Variants in ARAP2 observed in about 807,000 individuals in gnomAD.
ARAP2 encodes the protein arf-GAP with Rho-GAP domain, ANK repeat and PH domain-containing protein 2.
ARAP2 carries 148 observed loss-of-function variants against 194.5 expected under a neutral mutation model. That is an observed-to-expected ratio of 0.76 (90% CI 0.67 to 0.87). The LOEUF is 0.87. Among genes scored for constraint, ARAP2 ranks in the 40% least tolerant of loss-of-function variants. ARAP2 has a pLI of 0.00. For missense variants in ARAP2, 2,128 were observed against 1,989.7 expected, an observed-to-expected ratio of 1.07 and a Z score of -1.32; for synonymous variants, 695 against 683.5, an observed-to-expected ratio of 1.02 and a Z score of -0.26.
chr4:36,150,958 T>G lies in ARAP2; in HGVS notation c.2839A>C (p.Asn947His), dbSNP rs140030262. The G allele has an allele frequency of 2.2e-5, 36 of 1,613,280 alleles. No individual in the cohort carries two copies. The African/African-American group carries it at 4.5e-4, about 20-fold the overall frequency. The change falls in exon 16 of 33, where the codon AAT becomes CAT. Residue 947 changes from asparagine to histidine, a missense_variant. Coordinates refer to ENST00000303965, the MANE Select transcript of ARAP2 (RefSeq NM_015230.4). ...GCCAGGCAGATAACTTCATTGATAT[T>G]AATGGTGCCATTAGGTGTGGTAGAC... Reference protein sequence around the residue: ...DKSTTPNGTININEVICLAIH... With the variant: ...DKSTTPNGTIHINEVICLAIH...
intron 27 of ARAP2, among the ~76,000 whole-genome samples, chr4:36,096,038 T>C (rs998591712): frequency 1.3e-5 from 2 of 152,072 alleles, no homozygotes; most frequent in Non-Finnish European, 2.9e-5. Context: ...ATGCATCATT[T>C]CTAAAATTTA....
intron 2 of ARAP2, among the ~76,000 whole-genome samples, chr4:36,217,595 G>C (rs1748223395): frequency 6.6e-6 from 1 of 150,814 alleles, no homozygotes; most frequent in Non-Finnish European, 1.5e-5. Flanking sequence ...TTACTAATAG[G>C]GTTGACATAT....
chr4:36,086,459 A>C (rs1238565381), intron 28 of ARAP2, among the ~76,000 whole-genome samples: 1 of 152,138 alleles, frequency 6.6e-6, no homozygotes, highest in African/African-American at 2.4e-5. Context: ...TTGTAGAAAC[A>C]CATTCTTTTC....
At chr4:36,039,251 C>T (rs910345673) in intron 5 of ARAP2, among the ~76,000 whole-genome samples, 2 of 152,078 alleles carry the variant, frequency 1.3e-5, no homozygotes, top group Non-Finnish European at 2.9e-5. Context: ...CAAACAAAGG[C>T]AAAAAATAAA....
intron 26 of ARAP2, among the ~76,000 whole-genome samples, chr4:36,112,640 A>G (rs1446303814): frequency 6.6e-6 from 1 of 151,876 alleles, no homozygotes; most frequent in East Asian, 1.9e-4. Flanking sequence ...TCACTTATTC[A>G]ATAGATTTTA....
At chr4:36,174,596 C>T (rs1223116776) in intron 9 of ARAP2, among the ~76,000 whole-genome samples, 1 of 152,152 alleles carries the variant, frequency 6.6e-6, no homozygotes, top group Non-Finnish European at 1.5e-5. Context: ...ATCACAGAAT[C>T]ACCTGGGGTG....
intron 5 of ARAP2, among the ~76,000 whole-genome samples, chr4:36,043,848 G>GAAGGGAAGGCAAGGGAACGGAAGGGA (rs1560311705): frequency 1.9e-5 from 1 of 52,606 alleles, no homozygotes; most frequent in Admixed American, 2.4e-4. Context: ...GGGGAGGGGG[G>GAAGGGAAGGCAAGGGAACGGAAGGGA]AGGGGAGGGG....
chr4:36,176,229 T>C (rs1056882448), intron 9 of ARAP2, among the ~76,000 whole-genome samples: 3 of 31,244 alleles, frequency 9.6e-5, no homozygotes, highest in African/African-American at 2.3e-4. Flanking sequence ...ATTTTCCTCA[T>C]CTACAAAACA....
intron 5 of ARAP2, among the ~76,000 whole-genome samples, chr4:36,021,267 G>T (rs1397570569): frequency 4.6e-5 from 7 of 152,182 alleles, no homozygotes; most frequent in Non-Finnish European, 4.4e-5. Flanking sequence ...AGAGTGTTAA[G>T]TGTACTAAAA....
chr4:36,053,110 C>T (rs1407686760), intron 2 of ARAP2, among the ~76,000 whole-genome samples: 2 of 151,842 alleles, frequency 1.3e-5, no homozygotes, highest in African/African-American at 4.8e-5. Context: ...CGGGTTCAAG[C>T]GATTCTCTGC....
chr4:36,055,390 A>AT (rs1417722430), intron 2 of ARAP2, among the ~76,000 whole-genome samples: 6 of 152,226 alleles, frequency 3.9e-5, no homozygotes, highest in Admixed American at 3.9e-4. Context: ...AATCATCCTC[A>AT]TAAGAACCAT....
intron 19 of ARAP2, among the ~76,000 whole-genome samples, chr4:36,133,804 C>G (rs956964674): frequency 6.6e-6 from 1 of 151,780 alleles, no homozygotes; most frequent in Non-Finnish European, 1.5e-5. Context: ...TTCCTCCTAT[C>G]ATTCTGGTCA....
intron 1 of ARAP2, chr4:36,243,885 T>C (rs1025192428): frequency 6.6e-6 from 1 of 152,296 alleles, no homozygotes; most frequent in Non-Finnish European, 1.5e-5. Context: ...AGCTTCTTCT[T>C]ATTTAAAGGT....
intron 32 of ARAP2, among the ~76,000 whole-genome samples, chr4:36,070,353 T>C (rs1726548620): frequency 6.6e-6 from 1 of 152,188 alleles, no homozygotes; most frequent in Non-Finnish European, 1.5e-5. Flanking sequence ...CACTGTACTG[T>C]CCTTAAAAGA....
chr4:36,146,642 T>A (rs13119024), intron 19 of ARAP2, among the ~76,000 whole-genome samples: 1 of 152,094 alleles, frequency 6.6e-6, no homozygotes, highest in Non-Finnish European at 1.5e-5. Flanking sequence ...TCATTCAAGA[T>A]CTCTTTTCTT....
Position 36,066,124 on chromosome 4 carries a change from G to C in ARAP2, c.*1783C>G, listed in dbSNP as rs1247115337. 6.6e-6 allele frequency: 1 copy of C among 152,150 alleles called. No individual in the cohort carries two copies. Among genetic ancestry groups the C allele is most frequent in the Non-Finnish European group, 1.5e-5 (1 of 68,036 alleles). 9.4% of individuals were successfully genotyped at this position (152,150 alleles called of 1,614,324 possible). Reference sequence around the variant, plus strand: ...AGAATAGAAAGGGAAACAGCTATTAGAGTTTAAGCTCAAGTTTCAAGAAGA... The same window carrying C: ...AGAATAGAAAGGGAAACAGCTATTACAGTTTAAGCTCAAGTTTCAAGAAGA... On this transcript the variant is annotated 3_prime_UTR_variant, in exon 33 of 33. Transcript: ENST00000303965.
intron 20 of ARAP2, among the ~76,000 whole-genome samples, chr4:36,131,515 C>T (rs925018269): frequency 1.3e-5 from 2 of 151,224 alleles, no homozygotes; most frequent in Non-Finnish European, 3.0e-5. Flanking sequence ...CTTTATTATT[C>T]TAACATGCAA....
At chr4:36,110,719 T>C (rs776399523) in intron 26 of ARAP2, among the ~76,000 whole-genome samples, 2 of 152,014 alleles carry the variant, frequency 1.3e-5, no homozygotes, top group Non-Finnish European at 2.9e-5. Flanking sequence ...GACTACCATA[T>C]AAAGAAGAAA....
chr4:36,052,716 G>GC (rs1158872797), intron 2 of ARAP2, among the ~76,000 whole-genome samples: 1 of 152,172 alleles, frequency 6.6e-6, no homozygotes, highest in Non-Finnish European at 1.5e-5. Flanking sequence ...TGTAATCCCA[G>GC]CACTTTGGGA....
Sources: allele counts gnomAD v4.1 joint callset (sites outside exome capture counted in the v4.1 genomes callset), GRCh38; gene constraint gnomAD v4.1.1; transcripts MANE v1.5; gene names NCBI Gene and HGNC (gene_info 2026-07-23, HGNC 2026-07-21).